The following DRG1 variants were observed in gnomAD, a reference collection of about 807,000 sequenced individuals.
The protein encoded by DRG1 is developmentally regulated GTP binding protein 1.
Under a neutral mutation model 38.8 loss-of-function variants are expected in DRG1, and 19 were observed. The ratio of observed to expected loss-of-function variants is 0.49; its 90% CI spans 0.34 to 0.72. DRG1 has a LOEUF of 0.72. DRG1 is among the 30% of genes least tolerant of loss of function. DRG1 has a pLI of 0.01. For missense variants in DRG1, 299 were observed against 444.8 expected, an observed-to-expected ratio of 0.67 and a Z score of 2.95; for synonymous variants, 167 against 157.5, an observed-to-expected ratio of 1.06 and a Z score of -0.45.
intron 8 of DRG1, among the ~76,000 whole-genome samples, chr22:31,432,029 C>T (rs533930578): frequency 6.7e-6 from 1 of 148,154 alleles, no homozygotes; most frequent in South Asian, 2.1e-4. Flanking sequence ...ATTTTATTTG[C>T]TCTTATTTTA....
At chr22:31,426,489 T>G in intron 6 of DRG1, 126 bp from the exon 7 acceptor site, 2 of 756,720 alleles carry the variant, frequency 2.6e-6, no homozygotes, top group Non-Finnish European at 2.1e-6. Context: ...TTTTTCTGGC[T>G]GATCTGCTAC....
At chr22:31,423,556 TCA>T (rs1479985678) in intron 6 of DRG1, 146 bp downstream of exon 6, 1 of 917,116 alleles carries the variant, frequency 1.1e-6, no homozygotes, top group African/African-American at 1.7e-5. Context: ...AGATGGAGTC[TCA>T]CTCTGTTGCC....
At chr22:31,420,196 A>G in intron 4 of DRG1, 60 bp from the exon 5 acceptor site, 1 of 1,570,798 alleles carries the variant, frequency 6.4e-7, no homozygotes, top group Non-Finnish European at 8.6e-7. Flanking sequence ...CTACTTGAGT[A>G]TTTGGGTTAG....
chr22:31,426,364 G>A (rs192743487), intron 6 of DRG1: 491 of 370,916 alleles, frequency 1.3e-3, no homozygotes, highest in African/African-American at 9.8e-3. Flanking sequence ...GCACTTCAAA[G>A]CTTGTGTTCT....
chr22:31,422,426 C>T (rs747993197), intron 5 of DRG1, among the ~76,000 whole-genome samples: 11 of 151,826 alleles, frequency 7.2e-5, no homozygotes, highest in Admixed American at 3.3e-4. Context: ...AGCAAAACTC[C>T]GTCTCAAAAG....
intron 8 of DRG1, among the ~76,000 whole-genome samples, chr22:31,427,575 ATTATT>A (rs2050117838): frequency 6.6e-6 from 1 of 152,192 alleles, no homozygotes; most frequent in African/African-American, 2.4e-5. Context: ...CTGAAAAAAA[ATTATT>A]TTATTTTTGC....
rs1236337534 is a variant in DRG1 at position 31,400,744 on chromosome 22, G to A, written c.166+1G>A. 1 of 1,610,978 alleles carries A rather than the reference G, an allele frequency of 6.2e-7. No individual in the cohort carries two copies. Among genetic ancestry groups the A allele is most frequent in the African/African-American group, 1.3e-5 (1 of 74,742 alleles). On this transcript the variant is annotated splice_donor_variant, in intron 2 of 8. Transcript: ENST00000331457. LOFTEE classifies it high-confidence loss of function. ...GGTGGTGGTGGAGGTCCAGGAGAAGGTTTGTGTTCTTCTTCAATATATATA... is the reference window on the plus strand; with the variant it reads ...GGTGGTGGTGGAGGTCCAGGAGAAGATTTGTGTTCTTCTTCAATATATATA...
chr22:31,409,705 TA>T (rs1308860146), intron 3 of DRG1, among the ~76,000 whole-genome samples: 1 of 152,058 alleles, frequency 6.6e-6, no homozygotes, highest in Non-Finnish European at 1.5e-5. Flanking sequence ...AATATTAATG[TA>T]GAATTGGCTG....
chr22:31,405,615 A>G (rs1441529882), intron 3 of DRG1, among the ~76,000 whole-genome samples: 1 of 151,344 alleles, frequency 6.6e-6, no homozygotes, highest in Non-Finnish European at 1.5e-5. Flanking sequence ...TTATTCATGT[A>G]GATTATCCTT....
chr22:31,411,200 C>A, intron 4 of DRG1, 119 bp downstream of exon 4: 1 of 1,056,278 alleles, frequency 9.5e-7, no homozygotes, highest in Non-Finnish European at 1.4e-6. Flanking sequence ...TTTCACCTGA[C>A]TTCTCATTTA....
chr22:31,423,481 G>T, intron 6 of DRG1, 71 bp downstream of exon 6: 1 of 1,347,890 alleles, frequency 7.4e-7, no homozygotes, highest in Non-Finnish European at 1.0e-6. Flanking sequence ...ATTGGATCTT[G>T]AATCTGGCAG....
chr22:31,406,782 T>G (rs2049992035), intron 3 of DRG1, among the ~76,000 whole-genome samples: 1 of 152,176 alleles, frequency 6.6e-6, no homozygotes, highest in Admixed American at 6.6e-5. Flanking sequence ...TTATCAGAGA[T>G]AGATGAACAT....
intron 3 of DRG1, among the ~76,000 whole-genome samples, chr22:31,405,680 T>TGTG (rs1555898017): frequency 6.6e-6 from 1 of 150,566 alleles, no homozygotes; most frequent in Non-Finnish European, 1.5e-5. Flanking sequence ...TGTGTGTGTG[T>TGTG]GGGGGGGTTT....
chr22:31,428,646 C>G (rs2050123844), intron 8 of DRG1, among the ~76,000 whole-genome samples: 1 of 152,096 alleles, frequency 6.6e-6, no homozygotes, highest in South Asian at 2.1e-4. Context: ...ATTACTTTTT[C>G]TTTTACTAGT....
intron 3 of DRG1, 64 bp from the exon 4 acceptor site, chr22:31,410,948 T>C: frequency 6.6e-7 from 1 of 1,523,698 alleles, no homozygotes; most frequent in Non-Finnish European, 9.1e-7. Flanking sequence ...TAATTCTGTT[T>C]GATATTTTCA....
intron 4 of DRG1, among the ~76,000 whole-genome samples, chr22:31,414,106 CT>C (rs1442750947): frequency 6.6e-6 from 1 of 152,156 alleles, no homozygotes; most frequent in Non-Finnish European, 1.5e-5. Context: ...CATCATCAGA[CT>C]CTTTAAATGT....
In DRG1 at chr22:31,403,016, A is replaced by T; in HGVS notation, c.167-13A>T. ...GATAACTCTCCTCTTTTTGGTATTC[A>T]TTGATGTTTTAGGTTTTGATGTGGC... is the stretch of plus-strand genomic sequence containing the variant. On this transcript the variant is annotated splice_polypyrimidine_tract_variant and intron_variant, in intron 2 of 8. Coordinates refer to ENST00000331457, the MANE Select transcript of DRG1 (RefSeq NM_004147.4). 1 of 1,603,352 alleles carries T rather than the reference A, an allele frequency of 6.2e-7. No homozygotes were observed. Among genetic ancestry groups the T allele is most frequent in the Non-Finnish European group, 8.5e-7 (1 of 1,175,848 alleles).
intron 6 of DRG1, 144 bp from the exon 7 acceptor site, chr22:31,426,471 C>T: frequency 3.0e-6 from 2 of 674,290 alleles, no homozygotes; most frequent in Non-Finnish European, 4.8e-6. Flanking sequence ...TTTTCTTTTT[C>T]TTTTTTCTTT....
At chr22:31,400,942 TC>T (rs1254933573) in intron 2 of DRG1, among the ~76,000 whole-genome samples, 199 bp downstream of exon 2, 2 of 136,900 alleles carry the variant, frequency 1.5e-5, no homozygotes, top group African/African-American at 5.5e-5. Context: ...GACCCCCATC[TC>T]AAAAAAAAAA....
Sources: allele counts gnomAD v4.1 joint callset (sites outside exome capture counted in the v4.1 genomes callset), GRCh38; gene constraint gnomAD v4.1.1; transcripts MANE v1.5; gene names NCBI Gene and HGNC (gene_info 2026-07-23, HGNC 2026-07-21).